The following PPARGC1A variants were observed in gnomAD, a reference collection of about 807,000 sequenced individuals.
The protein encoded by PPARGC1A is PPARG coactivator 1 alpha.
Under a neutral mutation model 88.7 loss-of-function variants are expected in PPARGC1A, and 25 were observed. That is an observed-to-expected ratio of 0.28 (90% CI 0.21 to 0.39). PPARGC1A has a LOEUF of 0.39. PPARGC1A is among the 10% of genes least tolerant of loss of function. The pLI is 1.00. For missense variants in PPARGC1A, 880 were observed against 968.7 expected (o/e 0.91, Z 1.22); for synonymous variants, 363 against 355.6 (o/e 1.02, Z -0.24).
At chr4:24,213,260 G>A in the PPARGC1A span, among the ~76,000 whole-genome samples, 3 of 150,630 alleles carry the variant, frequency 2.0e-5, no homozygotes, top group East Asian at 3.9e-4. Context: ...TCCGCCTCCC[G>A]GGTTCACGCC....
At chr4:24,466,432 GT>G in the PPARGC1A span, among the ~76,000 whole-genome samples, 1 of 152,176 alleles carries the variant, frequency 6.6e-6, no homozygotes, top group Non-Finnish European at 1.5e-5. Flanking sequence ...AGTCTGTCTG[GT>G]GGAGGGCCCA....
intron 7 of PPARGC1A, among the ~76,000 whole-genome samples, chr4:23,817,089 A>T (rs1351712274): frequency 1.3e-5 from 2 of 152,144 alleles, no homozygotes; most frequent in Non-Finnish European, 2.9e-5. Flanking sequence ...AGGTATACAT[A>T]TCTTGACAGA....
the PPARGC1A span, among the ~76,000 whole-genome samples, chr4:24,096,877 A>G: frequency 6.9e-3 from 1,051 of 152,336 alleles, 14 homozygotes; most frequent in African/African-American, 0.024. Flanking sequence ...AAAAACCTAT[A>G]CAAAGTGCAT....
the PPARGC1A span, among the ~76,000 whole-genome samples, chr4:24,038,079 G>C: frequency 6.6e-6 from 1 of 152,166 alleles, no homozygotes; most frequent in African/African-American, 2.4e-5. Context: ...GAATAGAATG[G>C]ATTTCAGCCC....
chr4:24,437,227 G>A, the PPARGC1A span, among the ~76,000 whole-genome samples: 4 of 152,216 alleles, frequency 2.6e-5, no homozygotes, highest in African/African-American at 7.2e-5. Flanking sequence ...ACCACCTCTA[G>A]CCCTGTGTTC....
At chr4:24,134,635 C>T in the PPARGC1A span, among the ~76,000 whole-genome samples, 1 of 152,172 alleles carries the variant, frequency 6.6e-6, no homozygotes, top group Non-Finnish European at 1.5e-5. Context: ...TTTCTAATTG[C>T]TAAATTTAAC....
the PPARGC1A span, among the ~76,000 whole-genome samples, chr4:23,997,909 T>A: frequency 6.6e-6 from 1 of 152,182 alleles, no homozygotes; most frequent in Non-Finnish European, 1.5e-5. Flanking sequence ...ATAAAGCTAA[T>A]TTAAAAGGGA....
At chr4:24,448,594 A>T in the PPARGC1A span, among the ~76,000 whole-genome samples, 2 of 152,160 alleles carry the variant, frequency 1.3e-5, no homozygotes, top group African/African-American at 4.8e-5. Flanking sequence ...GGGTCTTATC[A>T]TCTCTGACCT....
chr4:24,118,389 C>A, the PPARGC1A span, among the ~76,000 whole-genome samples: 1 of 152,142 alleles, frequency 6.6e-6, no homozygotes, highest in Non-Finnish European at 1.5e-5. Context: ...CCACTCGAAC[C>A]TGTGCATCTC....
chr4:23,859,246 T>G (rs1220658989), intron 2 of PPARGC1A, among the ~76,000 whole-genome samples: 1 of 152,162 alleles, frequency 6.6e-6, no homozygotes, highest in East Asian at 1.9e-4. Flanking sequence ...CAGTCCCAAG[T>G]TAGGCCAAGA....
the PPARGC1A span, among the ~76,000 whole-genome samples, chr4:24,090,961 C>T: frequency 6.6e-6 from 1 of 152,300 alleles, no homozygotes; most frequent in South Asian, 2.1e-4. Context: ...TCTCTGCATA[C>T]CACAGAGCTT....
chr4:24,066,391 A>G, the PPARGC1A span, among the ~76,000 whole-genome samples: 1 of 152,000 alleles, frequency 6.6e-6, no homozygotes, highest in African/African-American at 2.4e-5. Context: ...CACCTGAAAG[A>G]GAGTTTTAAA....
At chr4:24,220,572 G>A in the PPARGC1A span, among the ~76,000 whole-genome samples, 7 of 152,162 alleles carry the variant, frequency 4.6e-5, no homozygotes, top group Non-Finnish European at 1.0e-4. Flanking sequence ...GTCCTTTGCA[G>A]CAACATGGAT....
chr4:23,932,507 T>A, the PPARGC1A span, among the ~76,000 whole-genome samples: 1 of 151,908 alleles, frequency 6.6e-6, no homozygotes, highest in Non-Finnish European at 1.5e-5. Context: ...TAAATATAAA[T>A]AGAGAAACAT....
chr4:24,092,456 G>A, the PPARGC1A span, among the ~76,000 whole-genome samples: 1 of 152,038 alleles, frequency 6.6e-6, no homozygotes, highest in African/African-American at 2.4e-5. Flanking sequence ...TTTTTTTAAT[G>A]CTCTCCAGAT....
At chr4:24,159,753 T>C in the PPARGC1A span, among the ~76,000 whole-genome samples, 1 of 152,218 alleles carries the variant, frequency 6.6e-6, no homozygotes, top group Non-Finnish European at 1.5e-5. Flanking sequence ...TGTACAAGCA[T>C]CAGCTGTGCT....
the PPARGC1A span, among the ~76,000 whole-genome samples, chr4:24,362,898 C>T: frequency 2.6e-5 from 4 of 152,282 alleles, no homozygotes; most frequent in South Asian, 6.2e-4. Flanking sequence ...AAATATCAAG[C>T]GTGCAAGAGG....
chr4:23,813,756 C>T lies in PPARGC1A; in HGVS notation c.1727G>A (p.Arg576Lys), dbSNP rs1404180791. 6.8e-6 allele frequency: 11 copies of T among 1,613,210 alleles called. No individual in the cohort carries two copies. The highest frequency in any genetic ancestry group is 2.7e-5 in the African/African-American group (2 of 74,886). The part of the protein sequence containing the change: ...RSRSRSFSRH[R>K]SCSRSPYSRS... ...GGAATATGGTGATCGGGAACACGAC[C>T]TGTGTCGAGAAAAGGACCTTGAACG... The change falls in exon 8 of 13, where the codon AGG becomes AAG. Residue 576 changes from arginine (R) to lysine (K), a missense_variant. By Grantham distance (26) the Arg-to-Lys change is conservative. Coordinates refer to ENST00000264867, the MANE Select transcript of PPARGC1A (RefSeq NM_013261.5).
chr4:24,366,543 C>T, the PPARGC1A span, among the ~76,000 whole-genome samples: 1 of 152,138 alleles, frequency 6.6e-6, no homozygotes, highest in South Asian at 2.1e-4. Flanking sequence ...CAACAACAAG[C>T]ATATTTTCCT....
Sources: allele counts gnomAD v4.1 joint callset (sites outside exome capture counted in the v4.1 genomes callset), GRCh38; gene constraint gnomAD v4.1.1; transcripts MANE v1.5; gene names NCBI Gene and HGNC (gene_info 2026-07-23, HGNC 2026-07-21).